LRP12: variants seen among roughly 807,000 people sequenced by gnomAD.
LRP12 encodes LDL receptor related protein 12, also known as low-density lipoprotein receptor-related protein 12.
Under a neutral mutation model 66.0 loss-of-function variants are expected in LRP12, and 14 were observed. The ratio of observed to expected loss-of-function variants is 0.21; its 90% CI spans 0.14 to 0.33. The LOEUF (loss-of-function observed/expected upper bound fraction) is 0.33. LRP12 is among the 10% of genes least tolerant of loss of function. The pLI, the probability that LRP12 is intolerant of heterozygous loss-of-function variation, is 1.00. For synonymous variants in LRP12, 357 were observed against 359.1 expected, an observed-to-expected ratio of 0.99 and a Z score of 0.07; for missense variants, 889 against 1,053.4, an observed-to-expected ratio of 0.84 and a Z score of 2.16.
intron 3 of LRP12, 80 bp downstream of exon 3, chr8:104,508,859 T>C: frequency 7.8e-7 from 1 of 1,282,470 alleles, no homozygotes. Flanking sequence ...TTTATATTAC[T>C]GCATGTTAAG....
chr8:104,548,839 G>A (rs986183034), intron 1 of LRP12, among the ~76,000 whole-genome samples: 7 of 151,522 alleles, frequency 4.6e-5, no homozygotes, highest in African/African-American at 1.7e-4. Flanking sequence ...AGCTACTCAG[G>A]AGGCTGAGGC....
intron 1 of LRP12, among the ~76,000 whole-genome samples, chr8:104,585,809 T>C (rs1284770726): frequency 2.0e-5 from 3 of 152,210 alleles, no homozygotes; most frequent in South Asian, 2.1e-4. Context: ...CAAACAGAAG[T>C]GGAAAGGATA....
At chr8:104,565,246 G>C (rs1309518867) in intron 1 of LRP12, among the ~76,000 whole-genome samples, 1 of 152,044 alleles carries the variant, frequency 6.6e-6, no homozygotes, top group African/African-American at 2.4e-5. Context: ...AAGTATTTTA[G>C]AATAATATCG....
At chr8:104,572,703 C>A (rs1812100849) in intron 1 of LRP12, among the ~76,000 whole-genome samples, 1 of 151,732 alleles carries the variant, frequency 6.6e-6, no homozygotes, top group Non-Finnish European at 1.5e-5. Context: ...TATGGAAATA[C>A]AGGTAAAATA....
intron 1 of LRP12, among the ~76,000 whole-genome samples, chr8:104,582,677 C>T (rs148190129): frequency 6.6e-6 from 1 of 152,232 alleles, no homozygotes; most frequent in African/African-American, 2.4e-5. Context: ...CTTAAGGTTC[C>T]TCCCCTTGTA....
Position 104,508,939 on chromosome 8 carries a change from C to T in LRP12, c.272G>A (p.Ser91Asn), listed in dbSNP as rs368506085. The T allele has an allele frequency of 1.2e-6, 2 of 1,611,012 alleles. No individual in the cohort carries two copies. The highest frequency in any genetic ancestry group is 2.7e-5 in the African/African-American group (2 of 74,756). The change falls in exon 3 of 7, where the codon AGT becomes AAT. Residue 91 changes from serine (S) to asparagine (N), a missense_variant and splice_region_variant. By Grantham distance (46) the Ser-to-Asn change is conservative. Around this residue, in one of 3 missense-constraint regions of LRP12, gnomAD observed 800 missense variants for 964.5 expected, o/e 0.83. Transcript: ENST00000276654. The stretch of plus-strand genomic sequence containing the variant: ...TAGTAATACAGAAAGGTAGAATTAC[C>T]TTATAGTAATGATTTCGCCTGGGTT... ...RANPGEIITI[S>N]FQDFDIQGSR...
chr8:104,548,666 T>TTAAATTAATTATATAATTATTATATAAG, intron 1 of LRP12, among the ~76,000 whole-genome samples: 1 of 145,890 alleles, frequency 6.9e-6, no homozygotes. Context: ...TATTATATAA[T>TTAAATTAATTATATAATTATTATATAAG]TAATATGGGT....
chr8:104,581,172 C>T (rs1386575948), intron 1 of LRP12, among the ~76,000 whole-genome samples: 1 of 152,118 alleles, frequency 6.6e-6, no homozygotes, highest in African/African-American at 2.4e-5. Context: ...CCTTAGCAAA[C>T]AAATGCAGGA....
chr8:104,581,798 C>A (rs1261234947), intron 1 of LRP12, among the ~76,000 whole-genome samples: 1 of 151,862 alleles, frequency 6.6e-6, no homozygotes, highest in Non-Finnish European at 1.5e-5. Flanking sequence ...CAGACATGAA[C>A]CTTAGGCAAA....
At chr8:104,521,352 T>C (rs1413224683) in intron 2 of LRP12, among the ~76,000 whole-genome samples, 1 of 151,388 alleles carries the variant, frequency 6.6e-6, no homozygotes, top group African/African-American at 2.4e-5. Flanking sequence ...ATTATTTTGT[T>C]ATAAATACAT....
At chr8:104,540,121 AGGCT>A (rs1811453513) in intron 1 of LRP12, among the ~76,000 whole-genome samples, 1 of 151,636 alleles carries the variant, frequency 6.6e-6, no homozygotes, top group East Asian at 1.9e-4. Flanking sequence ...CTATCCAAGA[AGGCT>A]GGTGTCCTCT....
intron 1 of LRP12, among the ~76,000 whole-genome samples, chr8:104,534,189 TATTAA>T (rs767717008): frequency 1.3e-4 from 19 of 151,972 alleles, no homozygotes; most frequent in Non-Finnish European, 2.5e-4. Context: ...TAGATACACA[TATTAA>T]ATTAAAAATG....
chr8:104,588,877 T>A lies in LRP12; in HGVS notation c.21A>T (p.Thr7=), dbSNP rs749903286. 6.2e-7 allele frequency: 1 copy of A among 1,611,170 alleles called. No homozygotes were observed. The highest frequency in any genetic ancestry group is 1.3e-5 in the African/African-American group (1 of 74,974). ...CAGACCTCCACCGCGGAGACTCTTT[T>A]GTGCTCCAGCGACAGGCCATAACCA... is the stretch of plus-strand genomic sequence containing the variant. The part of the protein sequence containing the change: MACRWS[T]KESPRWRSAL... Residue 7 remains threonine, a synonymous_variant, in exon 1 of 7, where the codon ACA becomes ACT. Coordinates refer to ENST00000276654, the MANE Select transcript of LRP12 (RefSeq NM_013437.5).
At chr8:104,494,291 T>C (rs1810685658) in intron 6 of LRP12, among the ~76,000 whole-genome samples, 1 of 152,216 alleles carries the variant, frequency 6.6e-6, no homozygotes, top group Non-Finnish European at 1.5e-5. Flanking sequence ...GAGAAATGTT[T>C]TGAAACTACA....
intron 3 of LRP12, among the ~76,000 whole-genome samples, chr8:104,500,712 A>C (rs575783724): frequency 6.6e-6 from 1 of 151,098 alleles, no homozygotes; most frequent in South Asian, 2.1e-4. Flanking sequence ...CAAACAAAAC[A>C]AAACCAAACA....
At chr8:104,576,120 G>T (rs976324956) in intron 1 of LRP12, among the ~76,000 whole-genome samples, 54 of 152,304 alleles carry the variant, frequency 3.5e-4, no homozygotes, top group African/African-American at 1.2e-3. Context: ...AAGGGATTAT[G>T]TAAAGAGATC....
intron 2 of LRP12, among the ~76,000 whole-genome samples, chr8:104,518,316 A>T (rs1811100615): frequency 6.6e-6 from 1 of 152,070 alleles, no homozygotes; most frequent in Non-Finnish European, 1.5e-5. Flanking sequence ...GATAAGAAAA[A>T]AATGGAGGCA....
chr8:104,534,920 T>C (rs1051892202), intron 1 of LRP12, among the ~76,000 whole-genome samples: 5 of 151,552 alleles, frequency 3.3e-5, no homozygotes, highest in Non-Finnish European at 4.4e-5. Flanking sequence ...GAAAATTTCA[T>C]ATATATGAAT....
At position 104,490,631 on chromosome 8, in the gene LRP12, A is replaced by G. The variant is rs762030748; in HGVS notation, c.*42T>C. 3 of 1,530,100 alleles carry G rather than the reference A, an allele frequency of 2.0e-6. No homozygotes were observed. Among genetic ancestry groups the G allele is most frequent in the Non-Finnish European group, 2.6e-6 (3 of 1,142,078 alleles). The allele number at this position is 1,530,100 out of a possible 1,614,324, so 94.8% of individuals were successfully genotyped here. Reference sequence around the variant, plus strand: ...TAAAGTTACAAAATAATAAATGGATATTGCTCCAACTTGTATACAATCTCC... The same window carrying G: ...TAAAGTTACAAAATAATAAATGGATGTTGCTCCAACTTGTATACAATCTCC... On this transcript the variant is annotated 3_prime_UTR_variant, in exon 7 of 7. Coordinates refer to ENST00000276654, the MANE Select transcript of LRP12 (RefSeq NM_013437.5).
Sources: gnomAD v4.1 joint callset for allele counts (sites outside exome capture counted in the v4.1 genomes callset) on GRCh38, gnomAD v4.1.1 for gene constraint, gnomAD v4.1.1 regional missense constraint, MANE v1.5 for transcripts, NCBI Gene and HGNC (gene_info 2026-07-23, HGNC 2026-07-21) for gene names.